CABP2: variants seen among roughly 807,000 people sequenced by gnomAD.
CABP2 encodes calcium binding protein 2.
In CABP2, 25 loss-of-function variants were observed where a neutral mutation model predicts 28.6. The ratio of observed to expected loss-of-function variants is 0.87; its 90% CI spans 0.64 to 1.22. The LOEUF (loss-of-function observed/expected upper bound fraction) is 1.22. Among genes scored for constraint, CABP2 ranks in the 50% most tolerant of loss-of-function variants. The pLI, the probability that CABP2 is intolerant of heterozygous loss-of-function variation, is 0.00. For missense variants in CABP2, 310 were observed against 312.2 expected, an observed-to-expected ratio of 0.99 and a Z score of 0.05; for synonymous variants, 138 against 126.0, an observed-to-expected ratio of 1.09 and a Z score of -0.64.
Position 67,522,678 on chromosome 11 carries a change from G to A in CABP2, c.81C>T (p.Ser27=), listed in dbSNP as rs1298111412. 1 of 1,529,170 alleles carries A rather than the reference G, an allele frequency of 6.5e-7. No homozygotes were observed. The highest frequency in any genetic ancestry group is 8.8e-7 in the Non-Finnish European group (1 of 1,134,718). The allele number at this position is 1,529,170 out of a possible 1,614,324, so 94.7% of individuals were successfully genotyped here. A position where few individuals can be genotyped will look rare whatever the true frequency, so the allele number is the denominator to read the frequency against. The change falls in exon 2 of 7, where the codon TCC becomes TCT. Residue 27 remains serine, a synonymous_variant. Coordinates refer to ENST00000294288, the MANE Select transcript of CABP2 (RefSeq NM_016366.3). ...LQWLGSPPRG[S]CPSPSSSPKE... ...TGGGGCTGGAGCTGGGGCTGGGGCA[G>A]GAGCCCCTTGGTGGGGAGCCGAGCC...
At chr11:67,522,525 C>A in intron 2 of CABP2, 21 bp downstream of exon 2, 1 of 1,552,530 alleles carries the variant, frequency 6.4e-7, no homozygotes, top group Non-Finnish European at 8.7e-7. Context: ...GGCAGGCTGG[C>A]GGGCGGGTGG....
intron 1 of CABP2, 51 bp downstream of exon 1, chr11:67,523,234 C>A (rs1311309544): frequency 7.0e-7 from 1 of 1,422,312 alleles, no homozygotes. Context: ...ATCTGACCCT[C>A]AGGGTCCATT....
intron 3 of CABP2, among the ~76,000 whole-genome samples, chr11:67,521,501 C>A (rs1329755710): frequency 6.6e-6 from 1 of 152,196 alleles, no homozygotes; most frequent in Admixed American, 6.5e-5. Flanking sequence ...CTAAAGGAAG[C>A]CATCCCTCTA....
Position 67,523,272 on chromosome 11 carries a change from T to C in CABP2, c.42+13A>G, listed in dbSNP as rs773751058. 6.5e-6 allele frequency: 10 copies of C among 1,549,122 alleles called. No individual in the cohort carries two copies. In the East Asian group the frequency reaches 1.7e-4, roughly 26 times the overall value. ...AGCCTCCTGGCCTGGGTTTCTCCCC[T>C]GACCCCTCCTACCTTAGGGCCCCGG... On this transcript the variant is annotated intron_variant, in intron 1 of 6. Transcript: ENST00000294288.
chr11:67,519,236 T>C, intron 6 of CABP2, 72 bp from the exon 7 acceptor site: 1 of 1,537,646 alleles, frequency 6.5e-7, no homozygotes, highest in Non-Finnish European at 9.0e-7. Context: ...TCTGCAGGCC[T>C]TGGGGCGGGT....
At position 67,519,030 on chromosome 11, in the gene CABP2, G is replaced by A; in HGVS notation, c.*109C>T. ...AAGGGCACTGCACACAGGTGGGATG[G>A]GGAGGAAAGGAGGGTCCCCGCTAGA... On this transcript the variant is annotated 3_prime_UTR_variant, in exon 7 of 7. Coordinates refer to ENST00000294288, the MANE Select transcript of CABP2 (RefSeq NM_016366.3). The A allele has an allele frequency of 2.5e-6, 3 of 1,187,730 alleles. No homozygotes were observed. Among genetic ancestry groups the A allele is most frequent in the Non-Finnish European group, 3.8e-6 (3 of 799,582 alleles). 73.6% of individuals were successfully genotyped at this position (1,187,730 alleles called of 1,614,324 possible). A position where few individuals can be genotyped will look rare whatever the true frequency, so the allele number is the denominator to read the frequency against.
At chr11:67,519,268 G>T in intron 6 of CABP2, 104 bp from the exon 7 acceptor site, 1 of 1,076,820 alleles carries the variant, frequency 9.3e-7, no homozygotes, top group Non-Finnish European at 1.4e-6. Flanking sequence ...TGAGGGGAGG[G>T]TCTTCAAGGG....
rs201625554 is a variant in CABP2 at position 67,521,105 on chromosome 11, C to A, written c.299G>T (p.Cys100Phe). 51 of 1,613,826 alleles carry A rather than the reference C, an allele frequency of 3.2e-5. No homozygotes were observed. Among genetic ancestry groups the A allele is most frequent in the Admixed American group, 2.2e-4 (13 of 60,006 alleles). ...FDRDRDGYIGCRELGACMRTL... is the reference protein window; with the variant it reads ...FDRDRDGYIGFRELGACMRTL... ...CCGCATGCAGGCACCCAGCTCCCGG[C>A]AGCCAATGTAGCCGTCCCGGTCTCG... Residue 100 changes from cysteine (C) to phenylalanine (F), a missense_variant, in exon 4 of 7, where the codon TGC becomes TTC. Transcript: ENST00000294288.
chr11:67,521,523 C>T (rs187558913), intron 3 of CABP2, among the ~76,000 whole-genome samples: 11 of 152,292 alleles, frequency 7.2e-5, no homozygotes, highest in Non-Finnish European at 1.6e-4. Context: ...ATGTGGCCTC[C>T]CCCGGCCCAT....
chr11:67,519,370 A>T (rs935825076), intron 6 of CABP2, among the ~76,000 whole-genome samples: 3 of 152,218 alleles, frequency 2.0e-5, no homozygotes, highest in Non-Finnish European at 4.4e-5. Flanking sequence ...TTGTAATGGA[A>T]CTTGTTTTCC....
At chr11:67,520,920 T>TG in intron 4 of CABP2, 105 bp downstream of exon 4, 1 of 1,256,394 alleles carries the variant, frequency 8.0e-7, no homozygotes, top group Non-Finnish European at 1.1e-6. Flanking sequence ...TCATGGGCTC[T>TG]GGGGACAGCC....
In CABP2 at chr11:67,519,830, GTCCTGGAGGATCTCGTCCACC is replaced by G; in HGVS notation, c.579_599del (p.Glu193_Gln199del). ...CCAGACCGTCCCCATTGAGGTCCAC[GTCCTGGAGGATCTCGTCCACC>G]TCCCGCTGGCTGAGGCGCTCCCCCA... On this transcript the variant is annotated inframe_deletion, in exon 6 of 7. Transcript: ENST00000294288. The G allele has an allele frequency of 6.2e-7, 1 of 1,614,038 alleles. No individual in the cohort carries two copies. Among genetic ancestry groups the G allele is most frequent in the Non-Finnish European group, 8.5e-7 (1 of 1,179,998 alleles).
At chr11:67,520,690 A>G (rs1433829003) in intron 4 of CABP2, among the ~76,000 whole-genome samples, 1 of 152,174 alleles carries the variant, frequency 6.6e-6, no homozygotes, top group African/African-American at 2.4e-5. Flanking sequence ...AACAAACAAA[A>G]AAACCAAAAA....
intron 6 of CABP2, 127 bp downstream of exon 6, chr11:67,519,666 A>G: frequency 1.2e-6 from 1 of 857,216 alleles, no homozygotes; most frequent in Non-Finnish European, 1.8e-6. Flanking sequence ...CTCCATGATA[A>G]TTAACTAGGA....
At chr11:67,521,892 A>T (rs1005009026) in intron 3 of CABP2, 60 bp downstream of exon 3, 1 of 129,942 alleles carries the variant, frequency 7.7e-6, no homozygotes. Context: ...CTGTGTCCCC[A>T]CCCCATGCCC....
intron 1 of CABP2, 84 bp downstream of exon 1, chr11:67,523,201 C>T: frequency 8.6e-7 from 1 of 1,168,048 alleles, no homozygotes; most frequent in Non-Finnish European, 1.2e-6. Context: ...CCCGCCCGGC[C>T]CTCGGAGGGC....
rs1337650827 is a variant in CABP2 at position 67,522,545 on chromosome 11, C to A, written c.213+1G>T. ...GCTGGCGGGCGGGTGGCCGTACATA[C>A]GAGTTGGGTGGCGGCAATGCTGGGC... On this transcript the variant is annotated splice_donor_variant, in intron 2 of 6. Transcript: ENST00000294288. LOFTEE classifies it high-confidence loss of function. The A allele has an allele frequency of 6.4e-7, 1 of 1,554,010 alleles. No individual in the cohort carries two copies. Among genetic ancestry groups the A allele is most frequent in the Non-Finnish European group, 8.7e-7 (1 of 1,148,486 alleles).
intron 2 of CABP2, 118 bp from the exon 3 acceptor site, chr11:67,522,100 T>C: frequency 2.2e-6 from 2 of 892,428 alleles, no homozygotes; most frequent in Non-Finnish European, 3.6e-6. Context: ...GCAGGGCCTG[T>C]GTCTGTCTGA....
At chr11:67,523,116 G>A (rs1490893681) in intron 1 of CABP2, among the ~76,000 whole-genome samples, 169 bp downstream of exon 1, 1 of 152,186 alleles carries the variant, frequency 6.6e-6, no homozygotes, top group East Asian at 1.9e-4. Context: ...GTCGGTGGGA[G>A]CCAAGATCAG....
Sources: allele counts gnomAD v4.1 joint callset (sites outside exome capture counted in the v4.1 genomes callset), GRCh38; gene constraint gnomAD v4.1.1; transcripts MANE v1.5; gene names NCBI Gene and HGNC (gene_info 2026-07-23, HGNC 2026-07-21).